SOCS5: variants seen among roughly 807,000 people sequenced by gnomAD.
SOCS5 encodes the protein suppressor of cytokine signaling 5, also known as CIS-6.
In SOCS5, 32 loss-of-function variants were observed where a neutral mutation model predicts 42.8. The observed-to-expected ratio is 0.75, with a 90% CI of 0.56 to 1.01. The LOEUF is 1.01. Among genes scored for constraint, SOCS5 ranks in the 50% least tolerant of loss-of-function variants. SOCS5 has a pLI of 0.00. For missense variants in SOCS5, 627 were observed against 653.0 expected (o/e 0.96, Z 0.43); for synonymous variants, 283 against 229.6 (o/e 1.23, Z -2.10).
chr2:46,732,531 G>A lies in SOCS5; in HGVS notation c.-12-25988G>A, dbSNP rs184533638. Among the ~76,000 whole-genome samples, 187 of 152,326 alleles carry A rather than the reference G, an allele frequency of 1.2e-3. 1 individual carries two copies. Among genetic ancestry groups the A allele is most frequent in the African/African-American group, 4.3e-3 (179 of 41,576 alleles). On this transcript the variant is annotated intron_variant, in intron 1 of 1. Coordinates refer to ENST00000394861, the MANE Select transcript of SOCS5 (RefSeq NM_144949.3). ...CACTGTTAATGAAACTTAGTGGTTAGGCAGGAGCCAAATTCATCATGGCCC... is the reference window on the plus strand; with the variant it reads ...CACTGTTAATGAAACTTAGTGGTTAAGCAGGAGCCAAATTCATCATGGCCC...
intron 1 of SOCS5, among the ~76,000 whole-genome samples, chr2:46,743,006 C>T (rs900531044): frequency 5.3e-5 from 8 of 151,988 alleles, no homozygotes; most frequent in Non-Finnish European, 7.4e-5. Context: ...TTTTACAATC[C>T]GATGAAATTC....
rs543642110 is a variant in SOCS5 at position 46,724,295 on chromosome 2, CAA to C, written c.-13+24847_-13+24848del. Reference sequence around the variant, plus strand: ...CAAATACAATGTTGACTAGAAGTGACAAGAGTAAATATCATTGATTCCAATTA... The same window carrying C: ...CAAATACAATGTTGACTAGAAGTGACGAGTAAATATCATTGATTCCAATTA... On this transcript the variant is annotated intron_variant, in intron 1 of 1. Coordinates refer to ENST00000394861, the MANE Select transcript of SOCS5 (RefSeq NM_144949.3). Among the ~76,000 whole-genome samples, 779 of 151,446 alleles carry C rather than the reference CAA, an allele frequency of 5.1e-3. 6 individuals carry two copies. Among genetic ancestry groups the C allele is most frequent in the Admixed American group, 1.0e-2 (152 of 15,232 alleles).
intron 1 of SOCS5, among the ~76,000 whole-genome samples, chr2:46,734,028 G>A (rs959280083): frequency 3.9e-5 from 6 of 152,142 alleles, no homozygotes; most frequent in African/African-American, 1.2e-4. Context: ...TAATGGAAAC[G>A]TTGTGGGACT....
intron 1 of SOCS5, among the ~76,000 whole-genome samples, chr2:46,751,680 TTTAC>T (rs1673625435): frequency 6.6e-6 from 1 of 152,194 alleles, no homozygotes; most frequent in Admixed American, 6.5e-5. Flanking sequence ...TGATCATCCA[TTTAC>T]TTAATGCACT....
Position 46,759,966 on chromosome 2 carries a change from C to T in SOCS5, c.1436C>T (p.Thr479Ile). ...EPLLTISLNR[T>I]FPFSLQYICR... ...TTGCTTACTATATCACTAAATAGGA[C>T]TTTCCCTTTTAGCCTGCAGTATATC... is the stretch of plus-strand genomic sequence containing the variant. Residue 479 changes from threonine to isoleucine, a missense_variant, in exon 2 of 2, where the codon ACT (threonine) becomes ATT (isoleucine). Around this residue, in one of 3 missense-constraint regions of SOCS5, gnomAD observed 340 missense variants for 367.6 expected, o/e 0.92. Coordinates refer to ENST00000394861, the MANE Select transcript of SOCS5 (RefSeq NM_144949.3). 2 of 1,614,168 alleles carry T rather than the reference C, an allele frequency of 1.2e-6. No individual in the cohort carries two copies. The highest frequency in any genetic ancestry group is 1.7e-6 in the Non-Finnish European group (2 of 1,180,012).
chr2:46,700,883 G>C (rs1672328392), intron 1 of SOCS5, among the ~76,000 whole-genome samples: 1 of 151,984 alleles, frequency 6.6e-6, no homozygotes, highest in Non-Finnish European at 1.5e-5. Context: ...TTTTACATTT[G>C]TAGCGTACTT....
At chr2:46,737,178 A>G (rs1359863313) in intron 1 of SOCS5, among the ~76,000 whole-genome samples, 1 of 152,226 alleles carries the variant, frequency 6.6e-6, no homozygotes, top group Non-Finnish European at 1.5e-5. Context: ...TTAAAAGTAG[A>G]TCCAAGAGTG....
At chr2:46,728,495 T>G (rs2103723243) in intron 1 of SOCS5, among the ~76,000 whole-genome samples, 1 of 152,316 alleles carries the variant, frequency 6.6e-6, no homozygotes, top group African/African-American at 2.4e-5. Flanking sequence ...ATTTTAGGCA[T>G]GAGGAAATTT....
intron 1 of SOCS5, among the ~76,000 whole-genome samples, chr2:46,717,983 G>A (rs1268336714): frequency 6.6e-6 from 1 of 152,160 alleles, no homozygotes; most frequent in African/African-American, 2.4e-5. Flanking sequence ...AAAGATTTCT[G>A]AAACTTTGTC....
Position 46,758,707 on chromosome 2 carries a change from A to G in SOCS5, c.177A>G (p.Leu59=), listed in dbSNP as rs767506535. The G allele has an allele frequency of 6.2e-7, 1 of 1,614,166 alleles. No homozygotes were observed. Among genetic ancestry groups the G allele is most frequent in the South Asian group, 1.1e-5 (1 of 91,088 alleles). ...DSTPQQQSSP[L]RENIALQLGL... ...CTCCTCAGCAACAAAGCAGTCCCTT[A>G]AGAGAAAATATTGCCTTACAACTGG... The change falls in exon 2 of 2, where the codon TTA becomes TTG. Residue 59 remains leucine (L), a synonymous_variant. Transcript: ENST00000394861.
chr2:46,744,213 C>T (rs896832483), intron 1 of SOCS5, among the ~76,000 whole-genome samples: 1 of 152,162 alleles, frequency 6.6e-6, no homozygotes, highest in African/African-American at 2.4e-5. Flanking sequence ...AGATTGTGAA[C>T]TCTTGACCTC....
In SOCS5 at chr2:46,702,414, G is replaced by T. The variant is rs570413450; in HGVS notation, c.-13+2965G>T. Among the ~76,000 whole-genome samples the T allele has an allele frequency of 1.8e-3, 280 of 152,250 alleles. 1 individual carries two copies. The highest frequency in any genetic ancestry group is 6.4e-3 in the African/African-American group (266 of 41,540). On this transcript the variant is annotated intron_variant, in intron 1 of 1. Coordinates refer to ENST00000394861, the MANE Select transcript of SOCS5 (RefSeq NM_144949.3). ...CTGCATATCAAATTAGAGTGAATGT[G>T]TTACTGTTTCTGAATGTCATTGGGA...
Position 46,752,997 on chromosome 2 carries a change from G to C in SOCS5, c.-12-5522G>C, listed in dbSNP as rs548365517. ...ACCATCCTAGTCAGGTGCTTGCTTG[G>C]ACTCCTGCAGTAGTCTTCAGTGCCA... On this transcript the variant is annotated intron_variant, in intron 1 of 1. Coordinates refer to ENST00000394861, the MANE Select transcript of SOCS5 (RefSeq NM_144949.3). Among the ~76,000 whole-genome samples, 134 of 152,164 alleles carry C rather than the reference G, an allele frequency of 8.8e-4. 1 individual carries two copies. The highest frequency in any genetic ancestry group is 3.1e-3 in the African/African-American group (129 of 41,516).
chr2:46,759,808 G>A lies in SOCS5; in HGVS notation c.1278G>A (p.Leu426=), dbSNP rs1043876048. ...GCTTCCGCCGCTACAACAGATCCCT[G>A]CATGCCCGAATTGAGCAGTGGAATC... ...SVSFRRYNRS[L]HARIEQWNHN... is the part of the protein sequence containing the mutation. The change falls in exon 2 of 2, where the codon CTG becomes CTA. Residue 426 remains leucine (L), a synonymous_variant. Coordinates refer to ENST00000394861, the MANE Select transcript of SOCS5 (RefSeq NM_144949.3). 1 of 1,614,152 alleles carries A rather than the reference G, an allele frequency of 6.2e-7. No homozygotes were observed. Among genetic ancestry groups the A allele is most frequent in the Non-Finnish European group, 8.5e-7 (1 of 1,180,022 alleles).
chr2:46,756,712 A>G (rs560803054), intron 1 of SOCS5, among the ~76,000 whole-genome samples: 31 of 152,238 alleles, frequency 2.0e-4, no homozygotes, highest in Non-Finnish European at 3.7e-4. Flanking sequence ...AAACTAGGCT[A>G]GAAAGGGGCT....
intron 1 of SOCS5, among the ~76,000 whole-genome samples, chr2:46,716,576 C>G (rs1034881817): frequency 7.2e-5 from 11 of 151,958 alleles, no homozygotes; most frequent in African/African-American, 2.4e-4. Context: ...TTCCTGGGCT[C>G]AAGACATCCT....
chr2:46,705,453 T>A (rs1435717339), intron 1 of SOCS5, among the ~76,000 whole-genome samples: 1 of 152,238 alleles, frequency 6.6e-6, no homozygotes, highest in East Asian at 1.9e-4. Flanking sequence ...TACACATATG[T>A]TTTGAGGTCA....
At chr2:46,731,571 A>C (rs540473685) in intron 1 of SOCS5, among the ~76,000 whole-genome samples, 2 of 152,368 alleles carry the variant, frequency 1.3e-5, no homozygotes, top group South Asian at 4.1e-4. Flanking sequence ...TTCTTATGAC[A>C]CAGATATGTA....
intron 1 of SOCS5, among the ~76,000 whole-genome samples, chr2:46,737,769 G>C (rs1178555641): frequency 6.6e-6 from 1 of 151,920 alleles, no homozygotes; most frequent in Non-Finnish European, 1.5e-5. Flanking sequence ...TCACACACCA[G>C]TTGTTGATAT....
Sources: allele counts gnomAD v4.1 joint callset (sites outside exome capture counted in the v4.1 genomes callset), GRCh38; gene constraint gnomAD v4.1.1; regional missense constraint gnomAD v4.1.1; transcripts MANE v1.5; gene names NCBI Gene and HGNC (gene_info 2026-07-23, HGNC 2026-07-21).